The following RYR2 variants were observed in gnomAD, a reference collection of about 807,000 sequenced individuals.
RYR2 encodes the protein ryanodine receptor 2.
Under a neutral mutation model 601.1 loss-of-function variants are expected in RYR2, and 227 were observed. That is an observed-to-expected ratio of 0.38 (90% CI 0.34 to 0.42). RYR2 has a LOEUF of 0.42. Ranked by LOEUF, RYR2 falls within the 10% of genes least tolerant of loss-of-function variation. The probability of loss-of-function intolerance (pLI) is 1.00; values close to 1 mark genes in which losing one functional copy is unlikely to be tolerated. For missense variants in RYR2, 4,646 were observed against 6,156.5 expected (o/e 0.75, Z 8.21); for synonymous variants, 2,223 against 2,175.1 (o/e 1.02, Z -0.61).
intron 96 of RYR2, among the ~76,000 whole-genome samples, chr1:237,795,844 A>ATATATATATATATATG (rs1553329322): frequency 2.6e-4 from 30 of 114,216 alleles, no homozygotes; most frequent in South Asian, 2.5e-3. Context: ...GTGTATATAT[A>ATATATATATATATATG]TATATGTATA....
chr1:237,265,423 G>T (rs966627066), intron 1 of RYR2, among the ~76,000 whole-genome samples: 6 of 152,124 alleles, frequency 3.9e-5, no homozygotes, highest in African/African-American at 9.7e-5. Context: ...CCGGGTTCAA[G>T]AGATTCTCCT....
chr1:237,684,304 A>G (rs1374469320), intron 62 of RYR2, among the ~76,000 whole-genome samples: 1 of 152,068 alleles, frequency 6.6e-6, no homozygotes, highest in African/African-American at 2.4e-5. Flanking sequence ...AAACACACAC[A>G]CACACAATAA....
chr1:237,263,400 C>T (rs1688732228), intron 1 of RYR2, among the ~76,000 whole-genome samples: 1 of 152,286 alleles, frequency 6.6e-6, no homozygotes, highest in East Asian at 1.9e-4. Context: ...AGACCTTGTT[C>T]CTGCTCTCAC....
intron 1 of RYR2, among the ~76,000 whole-genome samples, chr1:237,053,493 T>C (rs1661545306): frequency 6.6e-6 from 1 of 152,148 alleles, no homozygotes; most frequent in African/African-American, 2.4e-5. Flanking sequence ...CACAGAAGCC[T>C]GCAAAGTCAG....
chr1:237,468,161 C>T (rs762022046), intron 16 of RYR2, among the ~76,000 whole-genome samples: 15 of 152,030 alleles, frequency 9.9e-5, no homozygotes, highest in Non-Finnish European at 1.9e-4. Context: ...CCTGGCCTAC[C>T]AGATTTTCAA....
chr1:237,562,013 T>TA (rs1261914873), intron 27 of RYR2, among the ~76,000 whole-genome samples: 2 of 151,892 alleles, frequency 1.3e-5, no homozygotes, highest in Non-Finnish European at 2.9e-5. Flanking sequence ...TGCTGACATT[T>TA]AAAAAAAAGT....
At chr1:237,071,986 C>T (rs1045553468) in intron 1 of RYR2, among the ~76,000 whole-genome samples, 1 of 152,236 alleles carries the variant, frequency 6.6e-6, no homozygotes, top group Non-Finnish European at 1.5e-5. Flanking sequence ...GAAATTGGAG[C>T]AGGCACTGGA....
chr1:237,279,850 G>C (rs952001967), intron 2 of RYR2, among the ~76,000 whole-genome samples: 4 of 152,212 alleles, frequency 2.6e-5, no homozygotes, highest in Non-Finnish European at 4.4e-5. Context: ...ACTCTGGATA[G>C]AGGCAGTAAG....
At chr1:237,544,633 T>C (rs993605525) in intron 25 of RYR2, among the ~76,000 whole-genome samples, 1 of 152,200 alleles carries the variant, frequency 6.6e-6, no homozygotes, top group African/African-American at 2.4e-5. Context: ...AAGATAATCA[T>C]TCATATTAGC....
rs12405220 is a variant in RYR2, at chr1:237,364,557, G to A, written c.309+185G>A. Among the ~76,000 whole-genome samples, 45,526 of 151,528 alleles carry A rather than the reference G, an allele frequency of 0.3. 7,066 individuals carry two copies. The highest frequency in any genetic ancestry group is 0.32 in the East Asian group (1,663 of 5,154). ...GTTTTCTGTATGGTTATACACATTT[G>A]TTTTACTTTTGAATCCATGTAACTT... On this transcript the variant is annotated intron_variant, in intron 5 of 104. Coordinates refer to ENST00000366574, the MANE Select transcript of RYR2 (RefSeq NM_001035.3).
intron 5 of RYR2, among the ~76,000 whole-genome samples, chr1:237,368,199 A>T (rs1700353909): frequency 6.6e-6 from 1 of 152,240 alleles, no homozygotes; most frequent in South Asian, 2.1e-4. Flanking sequence ...ACATGTACAT[A>T]AAATATGTAA....
intron 24 of RYR2, among the ~76,000 whole-genome samples, chr1:237,523,695 CCA>C: frequency 6.6e-6 from 1 of 151,784 alleles, no homozygotes; most frequent in Non-Finnish European, 1.5e-5. Flanking sequence ...CGAGATTATG[CCA>C]CTGTCCTCCT....
intron 24 of RYR2, among the ~76,000 whole-genome samples, chr1:237,527,223 C>A (rs1667683753): frequency 6.6e-6 from 1 of 152,120 alleles, no homozygotes; most frequent in Admixed American, 6.6e-5. Context: ...ATAAGTCAGG[C>A]AATGTGATGC....
chr1:237,554,825 C>G (rs1243600197), intron 27 of RYR2, among the ~76,000 whole-genome samples: 2 of 151,992 alleles, frequency 1.3e-5, no homozygotes, highest in Non-Finnish European at 1.5e-5. Context: ...TTAATGATAT[C>G]TCTCTTTTCA....
intron 2 of RYR2, among the ~76,000 whole-genome samples, chr1:237,299,735 T>A (rs1045871392): frequency 1.3e-5 from 2 of 152,168 alleles, no homozygotes; most frequent in African/African-American, 2.4e-5. Flanking sequence ...TCCTAGGGGC[T>A]TTTAGGAGAA....
At chr1:237,587,633 G>C (rs1173468958) in intron 29 of RYR2, among the ~76,000 whole-genome samples, 1 of 151,870 alleles carries the variant, frequency 6.6e-6, no homozygotes, top group Non-Finnish European at 1.5e-5. Flanking sequence ...TTCGTCTCAC[G>C]AAAAAAAGTA....
intron 2 of RYR2, among the ~76,000 whole-genome samples, chr1:237,310,932 CAGTT>C (rs2149489776): frequency 6.6e-6 from 1 of 152,258 alleles, no homozygotes; most frequent in East Asian, 1.9e-4. Flanking sequence ...AGAAGTTTCA[CAGTT>C]AGGGTTTCCT....
At chr1:237,730,708 C>A (rs1486442660) in intron 77 of RYR2, among the ~76,000 whole-genome samples, 1 of 152,020 alleles carries the variant, frequency 6.6e-6, no homozygotes, top group African/African-American at 2.4e-5. Flanking sequence ...AGAAGTTATC[C>A]ACCTAAATTA....
At chr1:237,752,056 A>G (rs1238913323) in intron 80 of RYR2, among the ~76,000 whole-genome samples, 1 of 152,172 alleles carries the variant, frequency 6.6e-6, no homozygotes, top group African/African-American at 2.4e-5. Context: ...TAGTTCTGTC[A>G]TTTATTCATG....
Sources: allele counts gnomAD v4.1 joint callset (sites outside exome capture counted in the v4.1 genomes callset), GRCh38; gene constraint gnomAD v4.1.1; transcripts MANE v1.5; gene names NCBI Gene and HGNC (gene_info 2026-07-23, HGNC 2026-07-21).